NEK7: variants seen among roughly 807,000 people sequenced by gnomAD.
NEK7 encodes the protein NIMA related kinase 7.
Under a neutral mutation model 44.6 loss-of-function variants are expected in NEK7, and 18 were observed. That is an observed-to-expected ratio of 0.40 (90% confidence interval 0.28 to 0.60). The LOEUF is 0.60. NEK7 is among the 20% of genes least tolerant of loss of function. NEK7 has a pLI of 0.38. For missense variants in NEK7, 256 were observed against 366.5 expected (o/e 0.70, Z 2.46); for synonymous variants, 130 against 121.1 (o/e 1.07, Z -0.48).
At chr1:198,295,230 C>T (rs762424024) in intron 8 of NEK7, among the ~76,000 whole-genome samples, 28 of 152,070 alleles carry the variant, frequency 1.8e-4, no homozygotes, top group Non-Finnish European at 3.1e-4. Context: ...TATTGTTCAG[C>T]GCAGCAATTG....
At chr1:198,304,635 G>A (rs1253525382) in intron 9 of NEK7, among the ~76,000 whole-genome samples, 6 of 152,240 alleles carry the variant, frequency 3.9e-5, no homozygotes, top group South Asian at 4.1e-4. Flanking sequence ...TTACCTGTAC[G>A]TGACTGAACT....
intron 1 of NEK7, among the ~76,000 whole-genome samples, chr1:198,208,855 C>T (rs143607428): frequency 1.6e-4 from 24 of 151,988 alleles, no homozygotes; most frequent in East Asian, 1.4e-3. Context: ...CTGTAAGAAA[C>T]GCCATATAGC....
intron 1 of NEK7, among the ~76,000 whole-genome samples, chr1:198,207,500 G>A (rs181680388): frequency 1.3e-5 from 2 of 152,236 alleles, no homozygotes; most frequent in African/African-American, 2.4e-5. Context: ...ATTGAGATAC[G>A]TCCATTCAAT....
chr1:198,195,788 G>A (rs1229588645), intron 1 of NEK7, among the ~76,000 whole-genome samples: 1 of 152,164 alleles, frequency 6.6e-6, no homozygotes, highest in East Asian at 1.9e-4. Context: ...TTGCGCCACT[G>A]CACTCCAGCC....
At chr1:198,256,475 T>C (rs1298163809) in intron 3 of NEK7, 1 of 1,590,500 alleles carries the variant, frequency 6.3e-7, no homozygotes, top group African/African-American at 1.4e-5. Context: ...TCATGGTTCA[T>C]TTGCAAAAAA....
intron 1 of NEK7, chr1:198,198,216 ACCGC>A (rs1328127882): frequency 4.9e-5 from 34 of 700,566 alleles, no homozygotes; most frequent in Non-Finnish European, 8.8e-5. Context: ...CCTTTCCACC[ACCGC>A]CTGGGCTTGA....
At chr1:198,213,928 T>G (rs1378576079) in intron 1 of NEK7, among the ~76,000 whole-genome samples, 1 of 152,044 alleles carries the variant, frequency 6.6e-6, no homozygotes, top group African/African-American at 2.4e-5. Flanking sequence ...AGAAAAAAAT[T>G]TAAAAAGTGC....
intron 2 of NEK7, 48 bp downstream of exon 2, chr1:198,232,685 A>AGAAATATATAT (rs1666433367): frequency 9.3e-7 from 1 of 1,073,468 alleles, no homozygotes; most frequent in Non-Finnish European, 1.4e-6. Flanking sequence ...AATCTGTGTT[A>AGAAATATATAT]AATATGTGTA....
At chr1:198,172,502 GA>G (rs1195869299) in intron 1 of NEK7, among the ~76,000 whole-genome samples, 1 of 152,148 alleles carries the variant, frequency 6.6e-6, no homozygotes, top group Non-Finnish European at 1.5e-5. Flanking sequence ...TGAGACTTAG[GA>G]GGAGCAAACT....
At chr1:198,242,602 C>T (rs1666717429) in intron 2 of NEK7, among the ~76,000 whole-genome samples, 1 of 150,940 alleles carries the variant, frequency 6.6e-6, no homozygotes. Flanking sequence ...GCTGTGACCA[C>T]AGGCGTGCGC....
chr1:198,296,269 C>G (rs896772372), intron 8 of NEK7, among the ~76,000 whole-genome samples: 1 of 152,138 alleles, frequency 6.6e-6, no homozygotes, highest in Non-Finnish European at 1.5e-5. Context: ...CCTGGCACTC[C>G]GTGTTGTATT....
At chr1:198,310,982 T>C (rs552984673) in intron 9 of NEK7, among the ~76,000 whole-genome samples, 1 of 149,192 alleles carries the variant, frequency 6.7e-6, no homozygotes, top group African/African-American at 2.5e-5. Context: ...AAGAAAGTCA[T>C]TGGTAGCTTG....
intron 6 of NEK7, 103 bp downstream of exon 6, chr1:198,278,172 A>G: frequency 1.6e-6 from 1 of 639,872 alleles, no homozygotes; most frequent in Non-Finnish European, 2.7e-6. Context: ...TTTTTCAGGT[A>G]ATTATTTTCA....
intron 1 of NEK7, among the ~76,000 whole-genome samples, chr1:198,194,850 G>A (rs1571519646): frequency 6.6e-6 from 1 of 152,188 alleles, no homozygotes; most frequent in Middle Eastern, 3.4e-3. Context: ...GGATTGCTGG[G>A]TTGAATGGTA....
At chr1:198,308,845 C>A (rs1002103346) in intron 9 of NEK7, among the ~76,000 whole-genome samples, 10 of 152,236 alleles carry the variant, frequency 6.6e-5, no homozygotes, top group East Asian at 1.9e-4. Flanking sequence ...TTCTCTCCCC[C>A]CCTTTTATAT....
At chr1:198,317,209 C>T (rs1655395532) in intron 9 of NEK7, among the ~76,000 whole-genome samples, 1 of 152,086 alleles carries the variant, frequency 6.6e-6, no homozygotes. Context: ...CTCTTTATGA[C>T]AAGATACACT....
chr1:198,273,223 A>G (rs1244391662), intron 5 of NEK7, among the ~76,000 whole-genome samples: 1 of 151,780 alleles, frequency 6.6e-6, no homozygotes, highest in African/African-American at 2.4e-5. Flanking sequence ...TGTCAGGCCC[A>G]TCCTACTTTA....
At chr1:198,289,622 T>G (rs1490578113) in intron 7 of NEK7, among the ~76,000 whole-genome samples, 1 of 152,212 alleles carries the variant, frequency 6.6e-6, no homozygotes, top group African/African-American at 2.4e-5. Flanking sequence ...AATCCAAAGC[T>G]AACTGCATGT....
rs1653172096 is a variant in NEK7, at chr1:198,254,142, T to A, written c.198+962T>A. On this transcript the variant is annotated intron_variant, in intron 3 of 9. Transcript: ENST00000367385. Reference sequence around the variant, plus strand: ...CAATATAGAGATGAACAGTTTTAATTTACATTTAAAAATGAAACTAATGAT... The same window carrying A: ...CAATATAGAGATGAACAGTTTTAATATACATTTAAAAATGAAACTAATGAT... Among the ~76,000 whole-genome samples, 3 of 152,198 alleles carry A rather than the reference T, an allele frequency of 2.0e-5. No individual in the cohort carries two copies. In the South Asian group the frequency reaches 6.2e-4, roughly 31 times the overall value.
Sources: allele counts gnomAD v4.1 joint callset (sites outside exome capture counted in the v4.1 genomes callset), GRCh38; gene constraint gnomAD v4.1.1; transcripts MANE v1.5; gene names NCBI Gene and HGNC (gene_info 2026-07-23, HGNC 2026-07-21).